The following GREB1 variants were observed in gnomAD, a reference collection of about 807,000 sequenced individuals.
GREB1 encodes protein GREB1.
In GREB1, 106 loss-of-function variants were observed where a neutral mutation model predicts 200.7. The ratio of observed to expected loss-of-function variants is 0.53; its 90% confidence interval spans 0.45 to 0.62. The LOEUF is 0.62. GREB1 is among the 20% of genes least tolerant of loss of function. GREB1 has a pLI of 0.00. For missense variants in GREB1, 2,243 were observed against 2,556.8 expected, an observed-to-expected ratio of 0.88 and a Z score of 2.65; for synonymous variants, 1,132 against 1,092.4, an observed-to-expected ratio of 1.04 and a Z score of -0.72.
intron 25 of GREB1, among the ~76,000 whole-genome samples, chr2:11,628,986 C>T (rs571362912): frequency 1.3e-5 from 2 of 152,244 alleles, no homozygotes; most frequent in African/African-American, 4.8e-5. Context: ...GTTCTGTTTT[C>T]TCTTCCTTTG....
chr2:11,539,880 C>A (rs1334543910), intron 1 of GREB1: 2 of 147,402 alleles, frequency 1.4e-5, no homozygotes, highest in African/African-American at 5.0e-5. Flanking sequence ...GCTGGCTTGG[C>A]TGCCTCTCCC....
intron 1 of GREB1, chr2:11,540,060 C>G (rs916915122): frequency 6.6e-6 from 1 of 152,302 alleles, no homozygotes; most frequent in Non-Finnish European, 1.5e-5. Context: ...GGCTTAGCCT[C>G]TTGGCTGGTT....
rs746721787 is a variant in GREB1, at chr2:11,595,258, C to T, written c.1704C>T (p.Tyr568=). The T allele has an allele frequency of 3.1e-6, 5 of 1,612,660 alleles. No individual in the cohort carries two copies. The South Asian group carries it at 4.4e-5, about 14-fold the overall frequency. ...AATCTGTTTGCTTTCCAGGAAAATACCAAGCCCGGATTCTTTCCGAGAGCC... is the reference window on the plus strand; with the variant it reads ...AATCTGTTTGCTTTCCAGGAAAATATCAAGCCCGGATTCTTTCCGAGAGCC... ...IDSCIAVTGK[Y]QARILSESLL... Residue 568 remains tyrosine, a synonymous_variant, in exon 12 of 33, where the codon TAC becomes TAT. Coordinates refer to ENST00000381486, the MANE Select transcript of GREB1 (RefSeq NM_014668.4).
intron 1 of GREB1, among the ~76,000 whole-genome samples, chr2:11,499,804 A>C (rs1050654308): frequency 1.3e-5 from 2 of 152,218 alleles, no homozygotes; most frequent in Non-Finnish European, 1.5e-5. Context: ...CATATTGTAC[A>C]TATAACTTTG....
At chr2:11,579,708 T>C (rs1679261681) in intron 6 of GREB1, among the ~76,000 whole-genome samples, 1 of 152,192 alleles carries the variant, frequency 6.6e-6, no homozygotes, top group African/African-American at 2.4e-5. Context: ...AAACATTCAG[T>C]GCTACTCCTG....
chr2:11,559,373 T>C (rs970022455), intron 2 of GREB1, among the ~76,000 whole-genome samples: 7 of 152,232 alleles, frequency 4.6e-5, no homozygotes, highest in Non-Finnish European at 1.0e-4. Flanking sequence ...ATATCTGATG[T>C]AGACCTTTGA....
chr2:11,517,682 C>T (rs542662565), intron 1 of GREB1, among the ~76,000 whole-genome samples: 162 of 152,016 alleles, frequency 1.1e-3, no homozygotes, highest in Non-Finnish European at 1.3e-3. Flanking sequence ...GACAGAGTCT[C>T]GCTCTGTCGC....
chr2:11,613,748 C>T (rs1375387918), intron 19 of GREB1, among the ~76,000 whole-genome samples: 1 of 152,234 alleles, frequency 6.6e-6, no homozygotes, highest in Non-Finnish European at 1.5e-5. Flanking sequence ...CAGGTACCTT[C>T]TGGTACCTTC....
intron 2 of GREB1, among the ~76,000 whole-genome samples, chr2:11,559,263 G>T (rs1298073030): frequency 6.6e-6 from 1 of 152,338 alleles, no homozygotes; most frequent in East Asian, 1.9e-4. Flanking sequence ...CTCTCGTCCT[G>T]CCAGGAGACC....
At chr2:11,525,275 G>C (rs1021724195) in intron 1 of GREB1, among the ~76,000 whole-genome samples, 1 of 152,036 alleles carries the variant, frequency 6.6e-6, no homozygotes, top group African/African-American at 2.4e-5. Flanking sequence ...GAGGCCGAAG[G>C]GGGTGGATCA....
chr2:11,606,758 CATTATTATTATTATT>C (rs3035992), intron 17 of GREB1, among the ~76,000 whole-genome samples: 58,768 of 143,294 alleles, frequency 0.41, 13,760 homozygotes, highest in South Asian at 0.69. Context: ...ATTTTAGTTT[CATTATTATTATTATT>C]ATTATTATTA....
intron 3 of GREB1, chr2:11,563,192 C>G (rs908102982): frequency 6.6e-6 from 1 of 151,960 alleles, no homozygotes; most frequent in East Asian, 1.9e-4. Flanking sequence ...AGGCTGGTCT[C>G]GAACTCCTGA....
chr2:11,599,363 G>A (rs1681559564), intron 15 of GREB1, among the ~76,000 whole-genome samples: 1 of 147,248 alleles, frequency 6.8e-6, no homozygotes, highest in Non-Finnish European at 1.5e-5. Flanking sequence ...TTTTTGAGAC[G>A]GAGTCTCACT....
At chr2:11,486,793 G>A (rs1284533718) in intron 1 of GREB1, among the ~76,000 whole-genome samples, 3 of 151,890 alleles carry the variant, frequency 2.0e-5, no homozygotes, top group East Asian at 1.9e-4. Flanking sequence ...GCTTGAACCC[G>A]GGAAGTGGAG....
rs145161783 is a variant in GREB1, at chr2:11,510,358, T to C, written c.-159+27977T>C. Among the ~76,000 whole-genome samples the C allele has an allele frequency of 3.7e-3, 558 of 152,338 alleles. 4 individuals carry two copies. Among genetic ancestry groups the C allele is most frequent in the African/African-American group, 0.012 (496 of 41,576 alleles). On this transcript the variant is annotated intron_variant, in intron 1 of 2. Transcript: ENST00000628795. The stretch of plus-strand genomic sequence containing the variant: ...AACTATCAGCCTGATCTATCCATCT[T>C]AAAATTCCCCCTTCAATCTTTCATC...
chr2:11,610,568 C>T, intron 17 of GREB1, 120 bp from the exon 18 acceptor site: 2 of 722,576 alleles, frequency 2.8e-6, no homozygotes, highest in South Asian at 3.6e-5. Context: ...CCAGAGGCAA[C>T]ACAACTGCGT....
chr2:11,578,941 G>A (rs1679177366), intron 6 of GREB1, among the ~76,000 whole-genome samples: 1 of 152,216 alleles, frequency 6.6e-6, no homozygotes, highest in South Asian at 2.1e-4. Context: ...GACCTCGTGG[G>A]CCGGAGGAGG....
At chr2:11,612,875 GCAGGTGGAGTCAGGATTTC>G in intron 19 of GREB1, among the ~76,000 whole-genome samples, 1 of 152,244 alleles carries the variant, frequency 6.6e-6, no homozygotes, top group South Asian at 2.1e-4. Context: ...TGGAGGCTCT[GCAGGTGGAGTCAGGATTTC>G]ATGCCTCCTG....
chr2:11,505,824 G>C (rs1480009218), intron 1 of GREB1, among the ~76,000 whole-genome samples: 1 of 152,004 alleles, frequency 6.6e-6, no homozygotes, highest in East Asian at 1.9e-4. Context: ...TCCAGCCTGG[G>C]AAACAGAGCA....
Sources: gnomAD v4.1 joint callset for allele counts (sites outside exome capture counted in the v4.1 genomes callset) on GRCh38, gnomAD v4.1.1 for gene constraint, MANE v1.5 for transcripts, NCBI Gene and HGNC (gene_info 2026-07-23, HGNC 2026-07-21) for gene names.